Variants in NRG1 observed in about 807,000 individuals in gnomAD.
NRG1 encodes the protein neuregulin 1, also known as pro-neuregulin-1, membrane-bound isoform.
In NRG1, 18 loss-of-function variants were observed where a neutral mutation model predicts 63.8. The observed-to-expected ratio is 0.28, with a 90% CI of 0.19 to 0.42. The LOEUF is 0.42. NRG1 is among the 10% of genes least tolerant of loss of function. The probability of loss-of-function intolerance (pLI) is 1.00; values close to 1 mark genes in which losing one functional copy is unlikely to be tolerated. For synonymous variants in NRG1, 302 were observed against 301.3 expected (o/e 1.00, Z -0.02); for missense variants, 762 against 814.7 (o/e 0.94, Z 0.79).
intron 1 of NRG1, among the ~76,000 whole-genome samples, chr8:32,360,636 A>G (rs919720558): frequency 1.3e-5 from 2 of 152,150 alleles, no homozygotes; most frequent in African/African-American, 2.4e-5. Flanking sequence ...TTGTATTTAT[A>G]ATTTTGTATT....
At chr8:32,281,170 A>G (rs1852775797) in intron 1 of NRG1, among the ~76,000 whole-genome samples, 1 of 79,660 alleles carries the variant, frequency 1.3e-5, no homozygotes, top group Non-Finnish European at 2.6e-5. Flanking sequence ...ATAGTACCCA[A>G]TAGGTAGTTT....
At chr8:32,535,858 G>T (rs915994721) in intron 1 of NRG1, among the ~76,000 whole-genome samples, 1 of 152,150 alleles carries the variant, frequency 6.6e-6, no homozygotes, top group African/African-American at 2.4e-5. Flanking sequence ...TTTTCAGAGG[G>T]AGAAGAAAGT....
intron 1 of NRG1, among the ~76,000 whole-genome samples, chr8:32,561,832 TTTA>T (rs1836458137): frequency 6.6e-6 from 1 of 151,634 alleles, no homozygotes; most frequent in African/African-American, 2.4e-5. Flanking sequence ...TTTGTTTATA[TTTA>T]TTTATTTAGG....
intron 1 of NRG1, among the ~76,000 whole-genome samples, chr8:31,908,836 A>C (rs1474822742): frequency 6.6e-6 from 1 of 152,160 alleles, no homozygotes; most frequent in South Asian, 2.1e-4. Context: ...AAGCCAGATA[A>C]ATTTTCCAGA....
rs1042931776 is a variant in NRG1 at position 31,876,340 on chromosome 8, A to G, written c.37+236909A>G. On this transcript the variant is annotated intron_variant, in intron 1 of 10. Transcript: ENST00000519301. Reference sequence around the variant, plus strand: ...AGCAATTACCTAACTGGTTATTGCAAGCATTAAAGGAGGTCATCAATTTCT... The same window carrying G: ...AGCAATTACCTAACTGGTTATTGCAGGCATTAAAGGAGGTCATCAATTTCT... Among the ~76,000 whole-genome samples, 25 of 152,190 alleles carry G rather than the reference A, an allele frequency of 1.6e-4. 1 individual carries two copies. The highest frequency in any genetic ancestry group is 1.3e-3 in the Admixed American group (20 of 15,272).
chr8:31,916,648 A>G (rs2129617980), intron 1 of NRG1, among the ~76,000 whole-genome samples: 1 of 152,316 alleles, frequency 6.6e-6, no homozygotes, highest in South Asian at 2.1e-4. Context: ...TATTGTGAAT[A>G]GTGCTGCAAT....
chr8:32,365,557 G>C (rs891345428), intron 1 of NRG1, among the ~76,000 whole-genome samples: 2 of 151,998 alleles, frequency 1.3e-5, no homozygotes, highest in African/African-American at 4.8e-5. Flanking sequence ...ATAAGAATGA[G>C]GTAGATTTTC....
At chr8:32,239,178 T>A (rs1847859861) in intron 1 of NRG1, among the ~76,000 whole-genome samples, 1 of 151,802 alleles carries the variant, frequency 6.6e-6, no homozygotes, top group Non-Finnish European at 1.5e-5. Context: ...AAGCTCAATC[T>A]AAAAACAAGC....
chr8:32,005,480 C>A (rs1258153111), intron 1 of NRG1, among the ~76,000 whole-genome samples: 1 of 151,768 alleles, frequency 6.6e-6, no homozygotes, highest in African/African-American at 2.4e-5. Flanking sequence ...ACAAAAAGGG[C>A]AATAAATTAA....
intron 1 of NRG1, among the ~76,000 whole-genome samples, chr8:32,108,971 G>T (rs946445034): frequency 6.6e-6 from 1 of 152,116 alleles, no homozygotes; most frequent in Non-Finnish European, 1.5e-5. Context: ...AAAAACCAAT[G>T]CAGCAAAAGA....
rs143568167 is a variant in NRG1, at chr8:31,742,723, A to C, written c.37+103292A>C. Among the ~76,000 whole-genome samples, 583 of 152,046 alleles carry C rather than the reference A, an allele frequency of 3.8e-3. 1 individual carries two copies. The highest frequency in any genetic ancestry group is 0.019 in the South Asian group (92 of 4,820). On this transcript the variant is annotated intron_variant, in intron 1 of 10. Transcript: ENST00000519301. ...CTATAAGTAGCAGCTCATTTTCAAA[A>C]GGTAATTCAGGTACCTTGTATCTTT... is the stretch of plus-strand genomic sequence containing the variant.
At chr8:31,673,518 C>T (rs536938362) in intron 1 of NRG1, among the ~76,000 whole-genome samples, 1 of 152,094 alleles carries the variant, frequency 6.6e-6, no homozygotes, top group Non-Finnish European at 1.5e-5. Context: ...AATCAGATGC[C>T]CTGTACTTGT....
intron 1 of NRG1, among the ~76,000 whole-genome samples, chr8:32,501,625 G>T (rs529127486): frequency 2.0e-5 from 3 of 152,104 alleles, no homozygotes; most frequent in African/African-American, 7.2e-5. Flanking sequence ...ACAATACTTA[G>T]TTATCTATTT....
chr8:31,959,075 A>G (rs752839093), intron 1 of NRG1, among the ~76,000 whole-genome samples: 1 of 152,202 alleles, frequency 6.6e-6, no homozygotes, highest in Non-Finnish European at 1.5e-5. Flanking sequence ...TGAGGAAAAA[A>G]TGAAAGCATG....
chr8:32,652,794 G>A (rs1156720881), intron 5 of NRG1, among the ~76,000 whole-genome samples: 1 of 151,134 alleles, frequency 6.6e-6, no homozygotes, highest in Non-Finnish European at 1.5e-5. Flanking sequence ...TTCTGTTTTT[G>A]GACATCAGCA....
intron 1 of NRG1, among the ~76,000 whole-genome samples, chr8:32,565,101 T>G (rs1443844020): frequency 6.6e-6 from 1 of 152,140 alleles, no homozygotes; most frequent in African/African-American, 2.4e-5. Context: ...AAATCTTTTT[T>G]GAAGTTATGG....
intron 1 of NRG1, among the ~76,000 whole-genome samples, chr8:32,166,793 G>A (rs1839446549): frequency 2.0e-5 from 3 of 152,164 alleles, no homozygotes; most frequent in African/African-American, 4.8e-5. Flanking sequence ...GTAGGTAATG[G>A]AGGCTTAACT....
At chr8:32,359,101 T>G (rs2129480963) in intron 1 of NRG1, among the ~76,000 whole-genome samples, 1 of 152,248 alleles carries the variant, frequency 6.6e-6, no homozygotes, top group South Asian at 2.1e-4. Flanking sequence ...ATTACTATAA[T>G]ATTTACAAAC....
chr8:32,608,368 G>A (rs1287789487), intron 3 of NRG1, among the ~76,000 whole-genome samples: 1 of 151,708 alleles, frequency 6.6e-6, no homozygotes, highest in African/African-American at 2.4e-5. Flanking sequence ...TTGAGATGGA[G>A]TGTTGCTATG....
Sources: allele counts gnomAD v4.1 joint callset (sites outside exome capture counted in the v4.1 genomes callset), GRCh38; gene constraint gnomAD v4.1.1; transcripts MANE v1.5; gene names NCBI Gene and HGNC (gene_info 2026-07-23, HGNC 2026-07-21).